Variants in TLE1 observed in about 807,000 individuals in gnomAD.
The protein encoded by TLE1 is transducin-like enhancer protein 1.
Under a neutral mutation model 89.8 loss-of-function variants are expected in TLE1, and 21 were observed. That is an observed-to-expected ratio of 0.23 (90% CI 0.17 to 0.34). The LOEUF (loss-of-function observed/expected upper bound fraction) is 0.34. Ranked by LOEUF, TLE1 falls within the 10% of genes least tolerant of loss-of-function variation. TLE1 has a pLI of 1.00. For missense variants in TLE1, 795 were observed against 1,031.2 expected (o/e 0.77, Z 3.14); for synonymous variants, 447 against 407.6 (o/e 1.10, Z -1.16).
At chr9:81,649,347 T>A (rs2627010) in intron 6 of TLE1, among the ~76,000 whole-genome samples, 1 of 151,990 alleles carries the variant, frequency 6.6e-6, no homozygotes, top group Non-Finnish European at 1.5e-5. Context: ...CTCTGTCTCC[T>A]CGAAGAGCAC....
At chr9:81,633,624 C>T (rs898371781) in intron 7 of TLE1, 36 of 550,636 alleles carry the variant, frequency 6.5e-5, no homozygotes, top group African/African-American at 6.3e-4. Context: ...TACTTTTCTT[C>T]AAAAAATTAG....
intron 15 of TLE1, among the ~76,000 whole-genome samples, chr9:81,592,370 A>AAAAAGAG (rs1205787060): frequency 6.6e-6 from 1 of 152,200 alleles, no homozygotes; most frequent in Non-Finnish European, 1.5e-5. Flanking sequence ...AGAAAAAAGA[A>AAAAAGAG]AAAAGAGATC....
At chr9:81,634,735 G>A (rs921098825) in intron 6 of TLE1, among the ~76,000 whole-genome samples, 6 of 152,022 alleles carry the variant, frequency 3.9e-5, no homozygotes, top group East Asian at 3.9e-4. Flanking sequence ...TCAGACTCAC[G>A]CTGTTTTCAG....
At chr9:81,627,269 CACAA>C (rs748581546) in intron 8 of TLE1, among the ~76,000 whole-genome samples, 18 of 151,004 alleles carry the variant, frequency 1.2e-4, no homozygotes, top group Non-Finnish European at 2.4e-4. Context: ...AATTACAGAG[CACAA>C]ACTCAAGTCA....
chr9:81,586,325 T>A (rs937086123), intron 17 of TLE1, among the ~76,000 whole-genome samples: 4 of 152,124 alleles, frequency 2.6e-5, no homozygotes, highest in Admixed American at 2.6e-4. Context: ...CCTTGTTAGG[T>A]GACTTTATTG....
At chr9:81,678,814 T>G (rs1833230330) in intron 4 of TLE1, among the ~76,000 whole-genome samples, 1 of 150,820 alleles carries the variant, frequency 6.6e-6, no homozygotes, top group Non-Finnish European at 1.5e-5. Flanking sequence ...CACTCCAGCC[T>G]GGATGACAGA....
At chr9:81,589,742 G>A (rs1197149542) in intron 16 of TLE1, among the ~76,000 whole-genome samples, 1 of 152,164 alleles carries the variant, frequency 6.6e-6, no homozygotes, top group Non-Finnish European at 1.5e-5. Flanking sequence ...TTTTGAAAGT[G>A]CTACTTATGG....
At chr9:81,615,097 A>G (rs1246045008) in intron 11 of TLE1, among the ~76,000 whole-genome samples, 2 of 109,824 alleles carry the variant, frequency 1.8e-5, no homozygotes, top group African/African-American at 3.5e-5. Context: ...AAAAAAAAAA[A>G]AAAAAAAAAA....
chr9:81,633,311 G>C lies in TLE1; in HGVS notation c.594+37C>G, dbSNP rs569044338. ...ACCGTGTGTGTGTGTGTGTGTGTGT[G>C]TGTGTGTGTGTGTGCAGCAGGCGTT... On this transcript the variant is annotated intron_variant, in intron 8 of 19. Coordinates refer to ENST00000376499, the MANE Select transcript of TLE1 (RefSeq NM_005077.5). 9.9e-6 allele frequency: 16 copies of C among 1,610,388 alleles called. No individual in the cohort carries two copies. In the East Asian group the frequency reaches 2.7e-4, roughly 27 times the overall value.
At chr9:81,681,575 C>A (rs1450775426) in intron 4 of TLE1, among the ~76,000 whole-genome samples, 3 of 151,642 alleles carry the variant, frequency 2.0e-5, no homozygotes, top group African/African-American at 7.3e-5. Context: ...AAAAAAAATT[C>A]TTCACCATCC....
At chr9:81,632,259 T>C (rs1294852248) in intron 8 of TLE1, among the ~76,000 whole-genome samples, 1 of 152,136 alleles carries the variant, frequency 6.6e-6, no homozygotes, top group South Asian at 2.1e-4. Context: ...GAGAAATTTA[T>C]AGGACAAGAA....
At chr9:81,653,701 C>T (rs575612038) in intron 5 of TLE1, among the ~76,000 whole-genome samples, 9 of 152,252 alleles carry the variant, frequency 5.9e-5, no homozygotes, top group South Asian at 2.1e-4. Flanking sequence ...AGCTCTCAAG[C>T]TTATGCTACT....
chr9:81,629,321 GTTAT>G (rs1826286233), intron 8 of TLE1, among the ~76,000 whole-genome samples: 1 of 151,916 alleles, frequency 6.6e-6, no homozygotes, highest in African/African-American at 2.4e-5. Flanking sequence ...AATATCTAAA[GTTAT>G]TTTTTTATTA....
rs118145750 is a variant in TLE1, at chr9:81,668,097, G to A, written c.235-14061C>T. 3.4e-3 allele frequency among the ~76,000 whole-genome samples: 511 copies of A among 152,136 alleles called. 7 individuals are homozygous for A. In the East Asian group the frequency reaches 0.035, roughly 10 times the overall value. On this transcript the variant is annotated intron_variant, in intron 4 of 19. Coordinates refer to ENST00000376499, the MANE Select transcript of TLE1 (RefSeq NM_005077.5). ...TAAGAATTGCTTGAACCCAGGAGACGGAGGTCGCGATGAGCCGAGATCGCG... is the reference window on the plus strand; with the variant it reads ...TAAGAATTGCTTGAACCCAGGAGACAGAGGTCGCGATGAGCCGAGATCGCG...
At chr9:81,635,107 T>C (rs993161521) in intron 6 of TLE1, among the ~76,000 whole-genome samples, 1 of 152,172 alleles carries the variant, frequency 6.6e-6, no homozygotes, top group Non-Finnish European at 1.5e-5. Context: ...CAGGAGCAAC[T>C]CTTAAGGCTG....
chr9:81,662,563 T>C (rs541611952), intron 4 of TLE1, among the ~76,000 whole-genome samples: 1 of 151,736 alleles, frequency 6.6e-6, no homozygotes, highest in Admixed American at 6.6e-5. Context: ...CAGGGCATGG[T>C]GATGCATGCC....
At chr9:81,655,147 T>A (rs989098793) in intron 4 of TLE1, among the ~76,000 whole-genome samples, 4 of 152,120 alleles carry the variant, frequency 2.6e-5, no homozygotes, top group African/African-American at 4.8e-5. Flanking sequence ...ATGTGGATTA[T>A]GAGGTCAGGA....
At position 81,623,618 on chromosome 9, in the gene TLE1, A is replaced by G. The variant is rs1483961269; in HGVS notation, c.595-3061T>C. On this transcript the variant is annotated intron_variant, in intron 8 of 19. Coordinates refer to ENST00000376499, the MANE Select transcript of TLE1 (RefSeq NM_005077.5). ...ACATGGTGAAACCCCATCTGTACTT[A>G]AAAAAAAAAAAAAAAAAAAAAAAAT... Among the ~76,000 whole-genome samples the G allele has an allele frequency of 6.4e-3, 382 of 59,696 alleles. 2 individuals carry two copies. Among genetic ancestry groups the G allele is most frequent in the African/African-American group, 0.018 (362 of 19,614 alleles). 39.2% of individuals were successfully genotyped at this position (59,696 alleles called of 152,430 possible).
chr9:81,658,639 C>A (rs2132715699), intron 4 of TLE1, among the ~76,000 whole-genome samples: 1 of 152,302 alleles, frequency 6.6e-6, no homozygotes, highest in East Asian at 1.9e-4. Flanking sequence ...AATACCCTGG[C>A]TCCTTCACCT....
Sources: allele counts gnomAD v4.1 joint callset (sites outside exome capture counted in the v4.1 genomes callset), GRCh38; gene constraint gnomAD v4.1.1; transcripts MANE v1.5; gene names NCBI Gene and HGNC (gene_info 2026-07-23, HGNC 2026-07-21).